The following PAK5 variants were observed in gnomAD, a reference collection of about 807,000 sequenced individuals.
PAK5 encodes serine/threonine-protein kinase PAK 5.
PAK5 carries 16 observed loss-of-function variants against 65.9 expected under a neutral mutation model. The ratio of observed to expected loss-of-function variants is 0.24; its 90% CI spans 0.16 to 0.37. The LOEUF (loss-of-function observed/expected upper bound fraction) is 0.37, where lower values mean the gene tolerates loss of function less well. Among genes scored for constraint, PAK5 ranks in the 10% least tolerant of loss-of-function variants. The pLI is 1.00. For synonymous variants in PAK5, 371 were observed against 354.9 expected (o/e 1.05, Z -0.51); for missense variants, 785 against 903.9 (o/e 0.87, Z 1.69).
At chr20:9,697,193 G>A (rs952607259) in intron 2 of PAK5, among the ~76,000 whole-genome samples, 3 of 152,146 alleles carry the variant, frequency 2.0e-5, no homozygotes, top group South Asian at 4.1e-4. Flanking sequence ...GTTAAAACGC[G>A]AACTCCATAA....
chr20:9,815,583 T>C (rs2049347267), intron 1 of PAK5, among the ~76,000 whole-genome samples: 1 of 152,132 alleles, frequency 6.6e-6, no homozygotes, highest in African/African-American at 2.4e-5. Context: ...AGGTATAATT[T>C]TGCAATGGTC....
At chr20:9,706,705 G>A (rs564795570) in intron 2 of PAK5, among the ~76,000 whole-genome samples, 22 of 150,374 alleles carry the variant, frequency 1.5e-4, no homozygotes, top group African/African-American at 4.6e-4. Context: ...ATGGGGTTTC[G>A]CCATGTTGCC....
chr20:9,678,596 G>A (rs1318717109), intron 2 of PAK5, among the ~76,000 whole-genome samples: 2 of 151,934 alleles, frequency 1.3e-5, no homozygotes, highest in Admixed American at 6.6e-5. Flanking sequence ...AAGACATACC[G>A]AGACTGGGTA....
intron 1 of PAK5, among the ~76,000 whole-genome samples, chr20:9,773,197 A>G (rs904381231): frequency 2.6e-5 from 4 of 152,192 alleles, no homozygotes; most frequent in Non-Finnish European, 4.4e-5. Context: ...AATCACAGAA[A>G]GAGAAGTGGC....
chr20:9,769,424 T>A (rs1469848939), intron 1 of PAK5, among the ~76,000 whole-genome samples: 1 of 152,232 alleles, frequency 6.6e-6, no homozygotes, highest in Non-Finnish European at 1.5e-5. Flanking sequence ...TGTGACATGC[T>A]CTACCCTTTA....
At chr20:9,808,013 G>A (rs1020330199) in intron 1 of PAK5, among the ~76,000 whole-genome samples, 3 of 151,898 alleles carry the variant, frequency 2.0e-5, no homozygotes, top group African/African-American at 4.8e-5. Flanking sequence ...TAACAGAGAT[G>A]GTATTATTTA....
At chr20:9,568,286 G>T (rs1182752858) in intron 4 of PAK5, among the ~76,000 whole-genome samples, 1 of 152,180 alleles carries the variant, frequency 6.6e-6, no homozygotes, top group Admixed American at 6.5e-5. Flanking sequence ...GATTAGGGTG[G>T]TTATTGTAGA....
At chr20:9,664,879 C>T (rs1464265843) in intron 2 of PAK5, among the ~76,000 whole-genome samples, 2 of 151,870 alleles carry the variant, frequency 1.3e-5, no homozygotes, top group Non-Finnish European at 2.9e-5. Context: ...AAAAAGAATC[C>T]CTCAAAAAAT....
chr20:9,669,968 C>T (rs1410794998), intron 2 of PAK5, among the ~76,000 whole-genome samples: 2 of 152,008 alleles, frequency 1.3e-5, no homozygotes, highest in Non-Finnish European at 2.9e-5. Flanking sequence ...GTTCCCCTTC[C>T]TGTATGTCCA....
intron 3 of PAK5, among the ~76,000 whole-genome samples, chr20:9,610,247 A>G (rs2046533683): frequency 6.6e-6 from 1 of 152,238 alleles, no homozygotes; most frequent in Admixed American, 6.5e-5. Flanking sequence ...TATAGCCACT[A>G]TGGAAGGCAT....
intron 1 of PAK5, among the ~76,000 whole-genome samples, chr20:9,803,233 T>A (rs2049193191): frequency 6.6e-6 from 1 of 151,896 alleles, no homozygotes; most frequent in Non-Finnish European, 1.5e-5. Flanking sequence ...TAAATGTAGG[T>A]TTACTAGAAA....
At chr20:9,810,148 T>G (rs566926406) in intron 1 of PAK5, among the ~76,000 whole-genome samples, 81 of 152,258 alleles carry the variant, frequency 5.3e-4, no homozygotes, top group Non-Finnish European at 1.0e-3. Context: ...CTGGAGGGCT[T>G]TCAGCACTAC....
intron 2 of PAK5, among the ~76,000 whole-genome samples, chr20:9,675,732 A>G (rs781576929): frequency 6.6e-6 from 1 of 152,224 alleles, no homozygotes; most frequent in Non-Finnish European, 1.5e-5. Flanking sequence ...CATTTATGAG[A>G]GGAAGGCATG....
At chr20:9,807,762 A>AATAATAAT (rs151079489) in intron 1 of PAK5, among the ~76,000 whole-genome samples, 77 of 142,334 alleles carry the variant, frequency 5.4e-4, no homozygotes, top group Middle Eastern at 3.6e-3. Context: ...AGCAAAAAAT[A>AATAATAAT]AATAATAATA....
intron 1 of PAK5, among the ~76,000 whole-genome samples, chr20:9,830,160 A>G (rs1004943657): frequency 1.3e-5 from 2 of 152,204 alleles, no homozygotes; most frequent in African/African-American, 2.4e-5. Context: ...GAGCCCTCTA[A>G]TATACAGTGA....
At chr20:9,678,424 G>A (rs778774685) in intron 2 of PAK5, among the ~76,000 whole-genome samples, 11 of 152,120 alleles carry the variant, frequency 7.2e-5, no homozygotes, top group African/African-American at 1.2e-4. Context: ...AAAATTAGCC[G>A]GGCATTGTGG....
At chr20:9,759,377 G>T (rs1439562408) in intron 1 of PAK5, among the ~76,000 whole-genome samples, 5 of 152,112 alleles carry the variant, frequency 3.3e-5, no homozygotes, top group African/African-American at 4.8e-5. Flanking sequence ...CTTCTATTTG[G>T]CAAGGTGAAC....
At chr20:9,809,503 C>T (rs976133342) in intron 1 of PAK5, among the ~76,000 whole-genome samples, 1 of 152,100 alleles carries the variant, frequency 6.6e-6, no homozygotes, top group Non-Finnish European at 1.5e-5. Context: ...TGATCACACT[C>T]AGGCAAATAA....
At chr20:9,776,990 A>G (rs1003823727) in intron 1 of PAK5, among the ~76,000 whole-genome samples, 2 of 152,224 alleles carry the variant, frequency 1.3e-5, no homozygotes, top group Non-Finnish European at 2.9e-5. Context: ...TGCCAGGAAG[A>G]AAACAAAGGA....
Sources: gnomAD v4.1 joint callset for allele counts (sites outside exome capture counted in the v4.1 genomes callset) on GRCh38, gnomAD v4.1.1 for gene constraint, MANE v1.5 for transcripts, NCBI Gene and HGNC (gene_info 2026-07-23, HGNC 2026-07-21) for gene names.